The following CTTNBP2 variants were observed in gnomAD, a reference collection of about 807,000 sequenced individuals.
The protein encoded by CTTNBP2 is cortactin-binding protein 2.
CTTNBP2 carries 108 observed loss-of-function variants against 156.9 expected under a neutral mutation model. The ratio of observed to expected loss-of-function variants is 0.69; its 90% CI spans 0.59 to 0.81. The LOEUF (loss-of-function observed/expected upper bound fraction) is 0.81. Among genes scored for constraint, CTTNBP2 ranks in the 30% least tolerant of loss-of-function variants. The pLI, the probability that CTTNBP2 is intolerant of heterozygous loss-of-function variation, is 0.00. For synonymous variants in CTTNBP2, 767 were observed against 751.8 expected (o/e 1.02, Z -0.33); for missense variants, 1,924 against 2,035.4 (o/e 0.95, Z 1.05).
intron 2 of CTTNBP2, among the ~76,000 whole-genome samples, chr7:117,831,950 C>G (rs763755711): frequency 4.8e-4 from 73 of 152,280 alleles, no homozygotes; most frequent in Non-Finnish European, 8.8e-4. Flanking sequence ...CTTCTAGAAA[C>G]AGTATTCTAT....
intron 2 of CTTNBP2, among the ~76,000 whole-genome samples, chr7:117,832,657 G>A (rs976944508): frequency 6.7e-6 from 1 of 149,348 alleles, no homozygotes; most frequent in Non-Finnish European, 1.5e-5. Flanking sequence ...TGACTAGGGA[G>A]AGATCGTCTT....
At chr7:117,728,343 T>C (rs2116444662) in intron 16 of CTTNBP2, 76 bp from the exon 17 acceptor site, 2 of 1,072,968 alleles carry the variant, frequency 1.9e-6, no homozygotes, top group Non-Finnish European at 2.7e-6. Context: ...ATTAAAAATA[T>C]AAAACTTTAA....
intron 4 of CTTNBP2, among the ~76,000 whole-genome samples, chr7:117,787,644 G>A (rs1798772003): frequency 6.6e-6 from 1 of 152,196 alleles, no homozygotes; most frequent in African/African-American, 2.4e-5. Flanking sequence ...CATTTGAAAT[G>A]TGTCTATTTG....
intron 22 of CTTNBP2, among the ~76,000 whole-genome samples, chr7:117,717,142 G>C (rs1794443934): frequency 6.6e-6 from 1 of 152,176 alleles, no homozygotes; most frequent in African/African-American, 2.4e-5. Flanking sequence ...TGCTGTGCCA[G>C]CTCTTGCCAT....
intron 4 of CTTNBP2, among the ~76,000 whole-genome samples, chr7:117,786,837 C>A (rs975517726): frequency 1.3e-5 from 2 of 152,012 alleles, no homozygotes; most frequent in Admixed American, 1.3e-4. Context: ...TCCTGGGAAA[C>A]CCTATTTTTA....
chr7:117,724,924 G>A (rs1795005263), intron 18 of CTTNBP2, 128 bp downstream of exon 18: 1 of 1,065,478 alleles, frequency 9.4e-7, no homozygotes, highest in Non-Finnish European at 1.4e-6. Context: ...TAAAATCACA[G>A]TTCTGGAACA....
chr7:117,812,697 C>T (rs1004755399), intron 2 of CTTNBP2, among the ~76,000 whole-genome samples: 8 of 152,166 alleles, frequency 5.3e-5, no homozygotes, highest in Non-Finnish European at 2.9e-5. Flanking sequence ...GAATAAGTAT[C>T]ACTTGAGAGA....
intron 19 of CTTNBP2, 25 bp from the exon 20 acceptor site, chr7:117,721,155 A>T: frequency 7.5e-7 from 1 of 1,340,856 alleles, no homozygotes; most frequent in South Asian, 1.2e-5. Flanking sequence ...AACCATTTTC[A>T]ATAGATCATT....
At chr7:117,789,795 T>A (rs902262519) in intron 4 of CTTNBP2, among the ~76,000 whole-genome samples, 1 of 152,088 alleles carries the variant, frequency 6.6e-6, no homozygotes, top group Non-Finnish European at 1.5e-5. Flanking sequence ...CCCTCCCCCA[T>A]ATGAGTAGCA....
chr7:117,717,907 C>T (rs1794533258), intron 22 of CTTNBP2, 111 bp downstream of exon 22: 1 of 691,912 alleles, frequency 1.4e-6, no homozygotes, highest in Middle Eastern at 2.4e-4. Flanking sequence ...TTTCTCAGTT[C>T]TTAGCTTTGG....
rs565328388 is a variant in CTTNBP2, at chr7:117,826,398, T to A, written c.190-15409A>T. Reference sequence around the variant, plus strand: ...ATTCTTTAATACATGAAATCAGTTCTAACGTAAGTCAAATGATGTGTTCTA... The same window carrying A: ...ATTCTTTAATACATGAAATCAGTTCAAACGTAAGTCAAATGATGTGTTCTA... On this transcript the variant is annotated intron_variant, in intron 2 of 22. Transcript: ENST00000160373. Among the ~76,000 whole-genome samples the A allele has an allele frequency of 3.9e-5, 6 of 152,278 alleles. No individual in the cohort carries two copies. In the East Asian group the frequency reaches 1.2e-3, roughly 29 times the overall value.
intron 1 of CTTNBP2, among the ~76,000 whole-genome samples, chr7:117,869,959 G>C (rs1239168333): frequency 6.6e-6 from 1 of 152,114 alleles, no homozygotes; most frequent in Non-Finnish European, 1.5e-5. Flanking sequence ...CTTCGCATAT[G>C]GCTCCCTAGG....
chr7:117,838,586 A>G (rs1802086420), intron 2 of CTTNBP2, among the ~76,000 whole-genome samples: 3 of 152,226 alleles, frequency 2.0e-5, no homozygotes, highest in African/African-American at 7.2e-5. Flanking sequence ...TCAGATATTC[A>G]AAAAATTAAT....
At chr7:117,795,086 C>T (rs538509402) in intron 3 of CTTNBP2, among the ~76,000 whole-genome samples, 18 of 150,080 alleles carry the variant, frequency 1.2e-4, no homozygotes, top group Non-Finnish European at 2.1e-4. Flanking sequence ...TTAGTAGAGA[C>T]GGGGTTTCAC....
In CTTNBP2 at chr7:117,719,502, A is replaced by G. The variant is rs757633013; in HGVS notation, c.4644+2T>C. On this transcript the variant is annotated splice_donor_variant, in intron 21 of 22. Transcript: ENST00000160373. LOFTEE classifies it high-confidence loss of function. ...TCAATGCCCCCCATTTGTACTGCTC[A>G]CCTTGCTGATATCAGACTCAGACTT... 9 of 1,613,300 alleles carry G rather than the reference A, an allele frequency of 5.6e-6. No individual in the cohort carries two copies. In the Admixed American group the frequency reaches 1.3e-4, roughly 24 times the overall value.
At chr7:117,816,725 AAC>A (rs1051390909) in intron 2 of CTTNBP2, among the ~76,000 whole-genome samples, 4 of 152,204 alleles carry the variant, frequency 2.6e-5, no homozygotes, top group South Asian at 4.1e-4. Context: ...CTTACTTTGC[AAC>A]AGAGTGCTTA....
intron 2 of CTTNBP2, among the ~76,000 whole-genome samples, chr7:117,859,973 C>G (rs1436566392): frequency 6.6e-6 from 1 of 152,158 alleles, no homozygotes; most frequent in Non-Finnish European, 1.5e-5. Flanking sequence ...TCCACCCTCT[C>G]CATTATTATG....
intron 8 of CTTNBP2, among the ~76,000 whole-genome samples, chr7:117,770,567 C>A (rs1797747156): frequency 6.6e-6 from 1 of 152,202 alleles, no homozygotes; most frequent in Admixed American, 6.5e-5. Context: ...GCCCTCACAG[C>A]AACTTTATAA....
intron 7 of CTTNBP2, among the ~76,000 whole-genome samples, chr7:117,778,670 C>T (rs916160798): frequency 6.6e-6 from 1 of 152,028 alleles, no homozygotes; most frequent in Non-Finnish European, 1.5e-5. Context: ...GTTTGACAAG[C>T]GTTATTCTGG....
Sources: gnomAD v4.1 joint callset for allele counts (sites outside exome capture counted in the v4.1 genomes callset) on GRCh38, gnomAD v4.1.1 for gene constraint, MANE v1.5 for transcripts, NCBI Gene and HGNC (gene_info 2026-07-23, HGNC 2026-07-21) for gene names.